Variants in NAA25 observed in about 807,000 individuals in gnomAD.
The protein encoded by NAA25 is N-terminal acetyltransferase B complex subunit NAA25.
A neutral mutation model predicts 132.5 loss-of-function variants in NAA25; 30 were observed. The observed-to-expected ratio is 0.23, with a 90% CI of 0.17 to 0.31. NAA25 has a LOEUF of 0.31. Among genes scored for constraint, NAA25 ranks in the 10% least tolerant of loss-of-function variants. NAA25 has a pLI of 1.00. For synonymous variants in NAA25, 359 were observed against 401.9 expected (o/e 0.89, Z 1.28); for missense variants, 771 against 1,150.4 (o/e 0.67, Z 4.77).
chr12:112,096,214 T>C (rs1025245801), intron 1 of NAA25, among the ~76,000 whole-genome samples: 5 of 152,136 alleles, frequency 3.3e-5, no homozygotes, highest in African/African-American at 1.2e-4. Context: ...AAATGAGAAG[T>C]GTTATAAATG....
At chr12:112,101,868 C>CTT (rs112312296) in intron 1 of NAA25, among the ~76,000 whole-genome samples, 15 of 142,268 alleles carry the variant, frequency 1.1e-4, no homozygotes, top group Admixed American at 1.4e-4. Flanking sequence ...ATCTTTTCAA[C>CTT]TTTTTTTTTT....
rs567924056 is a variant in NAA25 at position 112,063,268 on chromosome 12, G to A, written c.1150-1880C>T. ...GAATCTTGGAAGACTCAGAGACTAA[G>A]GGCACCAGGTGTCCCTAAAGGCTAA... On this transcript the variant is annotated intron_variant, in intron 11 of 23. Transcript: ENST00000261745. Among the ~76,000 whole-genome samples the A allele has an allele frequency of 2.0e-5, 3 of 152,250 alleles. No individual in the cohort carries two copies. In the South Asian group the frequency reaches 6.2e-4, roughly 32 times the overall value.
chr12:112,074,763 A>C lies in NAA25; in HGVS notation c.778T>G (p.Ser260Ala), dbSNP rs765051881. 6.2e-7 allele frequency: 1 copy of C among 1,605,402 alleles called. No homozygotes were observed. The highest frequency in any genetic ancestry group is 2.2e-5 in the East Asian group (1 of 44,722). ...GTCAGATAGAACTGCCAGTCATCTG[A>C]GCTAAAATCAGATTGAATGATGCAC... Reference protein sequence around the residue: ...ALSRRLLLKNSDDWQFYLTYF... With the variant: ...ALSRRLLLKNADDWQFYLTYF... The change falls in exon 9 of 24, where the codon TCA becomes GCA. Residue 260 changes from serine to alanine, a missense_variant and splice_region_variant. By Grantham distance (99) the Ser-to-Ala change is moderately conservative (BLOSUM62 1). Around this residue, in one of 3 missense-constraint regions of NAA25, gnomAD observed 417 missense variants for 733.8 expected, o/e 0.57. Transcript: ENST00000261745.
intron 4 of NAA25, among the ~76,000 whole-genome samples, chr12:112,084,569 C>A (rs752994159): frequency 6.7e-6 from 1 of 148,530 alleles, no homozygotes; most frequent in East Asian, 2.1e-4. Flanking sequence ...GGTGGGCGGA[C>A]CATGAGGTCA....
intron 5 of NAA25, among the ~76,000 whole-genome samples, chr12:112,079,214 C>T (rs1241073294): frequency 6.6e-6 from 1 of 152,150 alleles, no homozygotes; most frequent in Admixed American, 6.5e-5. Context: ...AAGTTAATAA[C>T]ACCAGATTCT....
chr12:112,107,632 T>C (rs1488550108), intron 1 of NAA25, among the ~76,000 whole-genome samples: 1 of 152,024 alleles, frequency 6.6e-6, no homozygotes, highest in African/African-American at 2.4e-5. Context: ...GAAACAAAGT[T>C]AACCACCGCC....
intron 6 of NAA25, 111 bp from the exon 7 acceptor site, chr12:112,078,377 T>C (rs2078922745): frequency 1.2e-6 from 1 of 805,524 alleles, no homozygotes; most frequent in South Asian, 1.6e-5. Flanking sequence ...TCAAATGAGA[T>C]GAAACTGACA....
chr12:112,094,053 C>G (rs2079176832), intron 1 of NAA25, among the ~76,000 whole-genome samples: 1 of 151,788 alleles, frequency 6.6e-6, no homozygotes, highest in Non-Finnish European at 1.5e-5. Flanking sequence ...TCCTGGCTAA[C>G]ATGGTGGAAA....
intron 22 of NAA25, among the ~76,000 whole-genome samples, chr12:112,038,106 C>T (rs560562679): frequency 9.9e-5 from 15 of 152,216 alleles, no homozygotes; most frequent in African/African-American, 3.4e-4. Flanking sequence ...CTCTGCCTCT[C>T]GGGTTCAAGC....
At chr12:112,089,982 C>T (rs536488584) in intron 3 of NAA25, among the ~76,000 whole-genome samples, 1 of 151,116 alleles carries the variant, frequency 6.6e-6, no homozygotes, top group East Asian at 2.0e-4. Flanking sequence ...CAGGCGTGCA[C>T]CACCACACCC....
intron 12 of NAA25, 23 bp downstream of exon 12, chr12:112,061,158 G>GGTCGTCGTAT: frequency 6.6e-7 from 1 of 1,520,382 alleles, no homozygotes; most frequent in Non-Finnish European, 8.9e-7. Context: ...GGGAACTACT[G>GGTCGTCGTAT]CACATTTTGA....
intron 17 of NAA25, among the ~76,000 whole-genome samples, chr12:112,045,732 T>A (rs753847924): frequency 2.0e-5 from 3 of 151,882 alleles, no homozygotes; most frequent in Non-Finnish European, 4.4e-5. Flanking sequence ...GAGGTGGGGG[T>A]TGCAGTGAGC....
chr12:112,033,327 A>C lies in NAA25; in HGVS notation c.2702T>G (p.Ile901Ser). ...TTTAATATGATCCACAACATTGGAA[A>C]TTAAAGTCTGAAGCCCAGTAACATA... ...QDYVTGLQTL[I>S]SNVVDHIKGL... The change falls in exon 23 of 24, where the codon ATT (isoleucine) becomes AGT (serine). Residue 901 changes from isoleucine (I) to serine (S), a missense_variant. Around this residue, in one of 3 missense-constraint regions of NAA25, gnomAD observed 324 missense variants for 400.0 expected, o/e 0.81. Coordinates refer to ENST00000261745, the MANE Select transcript of NAA25 (RefSeq NM_024953.4). The C allele has an allele frequency of 6.2e-7, 1 of 1,613,468 alleles. No homozygotes were observed.
intron 15 of NAA25, among the ~76,000 whole-genome samples, chr12:112,052,200 T>C (rs1779120311): frequency 6.6e-6 from 1 of 152,258 alleles, no homozygotes; most frequent in Non-Finnish European, 1.5e-5. Context: ...TACAGATACT[T>C]GAACACACAA....
Position 112,088,317 on chromosome 12 carries a change from G to GTTTT in NAA25, c.284-520_284-517dup, listed in dbSNP as rs1025838850. Among the ~76,000 whole-genome samples the GTTTT allele has an allele frequency of 9.1e-4, 69 of 75,590 alleles. 5 individuals carry two copies. Among genetic ancestry groups the GTTTT allele is most frequent in the African/African-American group, 2.8e-3 (49 of 17,470 alleles). The allele number at this position is 75,590 out of a possible 152,430, so 49.6% of individuals were successfully genotyped here. A position where few individuals can be genotyped will look rare whatever the true frequency, so the allele number is the denominator to read the frequency against. On this transcript the variant is annotated intron_variant, in intron 3 of 23. Transcript: ENST00000261745. ...ATCTTATATAAGTAAGTATATTGTA[G>GTTTT]TTTTTTTTTTTTTTTTTTTTTTTTT...
chr12:112,048,657 G>T (rs755362445), intron 15 of NAA25, among the ~76,000 whole-genome samples: 2 of 152,018 alleles, frequency 1.3e-5, no homozygotes, highest in Non-Finnish European at 2.9e-5. Flanking sequence ...ATTACTAATT[G>T]TAATAACCAG....
intron 8 of NAA25, 111 bp downstream of exon 8, chr12:112,075,567 A>G (rs542611150): frequency 3.8e-5 from 31 of 809,992 alleles, no homozygotes; most frequent in Non-Finnish European, 5.7e-5. Context: ...CACAACTACT[A>G]TAAGAAGACT....
At chr12:112,063,704 C>G (rs1437604077) in intron 11 of NAA25, among the ~76,000 whole-genome samples, 5 of 151,996 alleles carry the variant, frequency 3.3e-5, no homozygotes, top group Admixed American at 1.3e-4. Context: ...TCACCTTACA[C>G]AGAAGGGCAC....
chr12:112,049,647 TA>T lies in NAA25; in HGVS notation c.1729-1205del. ...TAAAGACGGACGGACACAAGAAAAT[TA>T]AAAAGATTACTTGTGATCCTGCAGG... is the stretch of plus-strand genomic sequence containing the variant. On this transcript the variant is annotated intron_variant, in intron 15 of 23. Coordinates refer to ENST00000261745, the MANE Select transcript of NAA25 (RefSeq NM_024953.4). The surrounding 1 kb of genome is among the most constrained non-coding windows in gnomAD (Gnocchi z 4.7). 1 of 985,446 alleles carries T rather than the reference TA, an allele frequency of 1.0e-6. No homozygotes were observed. Among genetic ancestry groups the T allele is most frequent in the Non-Finnish European group, 1.2e-6 (1 of 829,876 alleles). 61.0% of individuals were successfully genotyped at this position (985,446 alleles called of 1,614,324 possible).
Sources: gnomAD v4.1 joint callset for allele counts (sites outside exome capture counted in the v4.1 genomes callset) on GRCh38, gnomAD v4.1.1 for gene constraint, gnomAD v4.1.1 regional missense constraint, Gnocchi (gnomAD v3.1) non-coding constraint, MANE v1.5 for transcripts, NCBI Gene and HGNC (gene_info 2026-07-23, HGNC 2026-07-21) for gene names.